The following EEF2K variants were observed in gnomAD, a reference collection of about 807,000 sequenced individuals.
The protein encoded by EEF2K is eukaryotic elongation factor 2 kinase.
EEF2K carries 70 observed loss-of-function variants against 93.8 expected under a neutral mutation model. That is an observed-to-expected ratio of 0.75 (90% CI 0.62 to 0.91). The LOEUF is 0.91. Among genes scored for constraint, EEF2K ranks in the 40% least tolerant of loss-of-function variants. The pLI is 0.00. For synonymous variants in EEF2K, 376 were observed against 380.8 expected, an observed-to-expected ratio of 0.99 and a Z score of 0.15; for missense variants, 935 against 972.9, an observed-to-expected ratio of 0.96 and a Z score of 0.52.
chr16:22,207,342 C>T (rs142364155), intron 1 of EEF2K, among the ~76,000 whole-genome samples: 2,559 of 152,182 alleles, frequency 0.017, 75 homozygotes, highest in African/African-American at 0.058. Flanking sequence ...GAGATCTGCC[C>T]AGGGGGACGG....
intron 13 of EEF2K, among the ~76,000 whole-genome samples, chr16:22,265,543 C>T (rs2047508265): frequency 6.6e-6 from 1 of 152,228 alleles, no homozygotes; most frequent in South Asian, 2.1e-4. Context: ...ACTCTGGCAT[C>T]TCCCAGAACA....
intron 2 of EEF2K, among the ~76,000 whole-genome samples, chr16:22,230,184 T>A (rs2047101628): frequency 6.6e-6 from 1 of 152,146 alleles, no homozygotes. Flanking sequence ...CAGAATGCTG[T>A]GTTTACGTTA....
At chr16:22,223,804 G>A (rs189141657) in intron 1 of EEF2K, among the ~76,000 whole-genome samples, 32 of 152,198 alleles carry the variant, frequency 2.1e-4, no homozygotes, top group Admixed American at 1.7e-3. Context: ...TAACAGTCAC[G>A]GAGTATTTCA....
At chr16:22,250,626 T>C (rs754341525) in intron 4 of EEF2K, 28 bp from the exon 5 acceptor site, 35 of 1,614,050 alleles carry the variant, frequency 2.2e-5, no homozygotes, top group Non-Finnish European at 3.0e-5. Flanking sequence ...GCATGGGGAC[T>C]GATAACACTC....
In EEF2K at chr16:22,266,851, A is replaced by T. The variant is rs144564995; in HGVS notation, c.1739A>T (p.His580Leu). ...LGLMYSQLPH[H>L]ILADVSLKET... The stretch of plus-strand genomic sequence containing the variant: ...CTCATGTACTCGCAGTTGCCTCATC[A>T]CATCCTAGCCGATGTCTCTCTGAAG... The change falls in exon 15 of 18, where the codon CAC becomes CTC. Residue 580 changes from histidine to leucine, a missense_variant. By Grantham distance (99) the His-to-Leu change is moderately conservative. Transcript: ENST00000263026. 6.8e-6 allele frequency: 11 copies of T among 1,612,508 alleles called. No individual in the cohort carries two copies. The highest frequency in any genetic ancestry group is 9.3e-6 in the Non-Finnish European group (11 of 1,179,108).
chr16:22,260,566 C>A (rs760067311), intron 11 of EEF2K, 37 bp downstream of exon 11: 1 of 1,612,884 alleles, frequency 6.2e-7, no homozygotes. Context: ...GGCTTCAGAC[C>A]CCAGCAGGGG....
rs2047431188 is a variant in EEF2K at position 22,258,586 on chromosome 16, T to C, written c.1122T>C (p.Arg374=). ...CTGGGAGCCGGCCACCCCTGCTCCGTCCCCTTTCAGAGAACTCTGGAGACG... is the reference window on the plus strand; with the variant it reads ...CTGGGAGCCGGCCACCCCTGCTCCGCCCCCTTTCAGAGAACTCTGGAGACG... ...TLSGSRPPLL[R]PLSENSGDEN... Residue 374 remains arginine (R), a synonymous_variant, in exon 10 of 18, where the codon CGT becomes CGC. Coordinates refer to ENST00000263026, the MANE Select transcript of EEF2K (RefSeq NM_013302.5). The C allele has an allele frequency of 6.2e-7, 1 of 1,614,084 alleles. No individual in the cohort carries two copies. The highest frequency in any genetic ancestry group is 1.1e-5 in the South Asian group (1 of 91,068).
chr16:22,237,655 G>C (rs1335405187), intron 2 of EEF2K, among the ~76,000 whole-genome samples: 2 of 151,488 alleles, frequency 1.3e-5, no homozygotes, highest in Non-Finnish European at 2.9e-5. Flanking sequence ...GTCTAACCCA[G>C]TAATTTTTGT....
intron 15 of EEF2K, among the ~76,000 whole-genome samples, chr16:22,269,627 C>T (rs898815444): frequency 6.6e-6 from 1 of 152,082 alleles, no homozygotes; most frequent in Admixed American, 6.6e-5. Flanking sequence ...GTCTTGAACT[C>T]TTGGCCTCAG....
intron 3 of EEF2K, among the ~76,000 whole-genome samples, chr16:22,248,515 G>A (rs1449081748): frequency 6.6e-6 from 1 of 152,162 alleles, no homozygotes; most frequent in East Asian, 1.9e-4. Flanking sequence ...TGGAAATGGG[G>A]GACATGGTAG....
chr16:22,207,017 C>A (rs2142095826), intron 1 of EEF2K, among the ~76,000 whole-genome samples: 1 of 152,310 alleles, frequency 6.6e-6, no homozygotes, highest in East Asian at 1.9e-4. Context: ...CGCATCGCTG[C>A]CTTCCTGTCC....
chr16:22,260,596 A>G, intron 11 of EEF2K, 67 bp downstream of exon 11: 1 of 1,583,298 alleles, frequency 6.3e-7, no homozygotes, highest in Non-Finnish European at 8.7e-7. Context: ...ATTCACTCCC[A>G]GAGTGAATCT....
At chr16:22,263,077 C>A (rs908874894) in intron 11 of EEF2K, 33 bp from the exon 12 acceptor site, 2 of 1,602,792 alleles carry the variant, frequency 1.2e-6, no homozygotes, top group African/African-American at 2.7e-5. Context: ...CTCAGGGGAC[C>A]ACCAGGACCC....
At chr16:22,209,418 G>A (rs758319533) in intron 1 of EEF2K, among the ~76,000 whole-genome samples, 4 of 152,112 alleles carry the variant, frequency 2.6e-5, no homozygotes, top group African/African-American at 4.8e-5. Flanking sequence ...TCTGGTTGCC[G>A]GGACTCTGGG....
rs573711940 is a variant in EEF2K at position 22,273,889 on chromosome 16, C to T, written c.1889+139C>T. On this transcript the variant is annotated intron_variant, in intron 16 of 17. Transcript: ENST00000263026. ...CAGCAACCATGGGCAACTTATTTTA[C>T]CTCCCTGGCCTCAGTTTCTTCATAT... 9.2e-5 allele frequency: 114 copies of T among 1,238,372 alleles called. No homozygotes were observed. The South Asian group carries it at 1.7e-3, about 18-fold the overall frequency. 76.7% of individuals were successfully genotyped at this position (1,238,372 alleles called of 1,614,324 possible). A position where few individuals can be genotyped will look rare whatever the true frequency, so the allele number is the denominator to read the frequency against.
chr16:22,265,511 C>A (rs1386269954), intron 13 of EEF2K, among the ~76,000 whole-genome samples: 3 of 152,214 alleles, frequency 2.0e-5, no homozygotes, highest in Non-Finnish European at 2.9e-5. Context: ...AGGAGCCTTC[C>A]CTGGCCTCCA....
At chr16:22,212,400 T>C (rs1041197653) in intron 1 of EEF2K, among the ~76,000 whole-genome samples, 6 of 152,000 alleles carry the variant, frequency 3.9e-5, no homozygotes, top group African/African-American at 1.2e-4. Context: ...CTTGGCTCAC[T>C]GCAACCTCCG....
At chr16:22,229,558 C>T (rs1016831117) in intron 2 of EEF2K, among the ~76,000 whole-genome samples, 6 of 152,184 alleles carry the variant, frequency 3.9e-5, no homozygotes, top group South Asian at 4.1e-4. Flanking sequence ...AAAAATTAGC[C>T]GGGCGTGTTG....
At chr16:22,226,830 C>T (rs1567264375) in intron 2 of EEF2K, among the ~76,000 whole-genome samples, 2 of 152,200 alleles carry the variant, frequency 1.3e-5, no homozygotes, top group Non-Finnish European at 2.9e-5. Context: ...GATGCCAGCA[C>T]TTTGAGAGGA....
Sources: allele counts gnomAD v4.1 joint callset (sites outside exome capture counted in the v4.1 genomes callset), GRCh38; gene constraint gnomAD v4.1.1; transcripts MANE v1.5; gene names NCBI Gene and HGNC (gene_info 2026-07-23, HGNC 2026-07-21).